TENM3: variants seen among roughly 807,000 people sequenced by gnomAD.
TENM3 encodes the protein teneurin-3.
In TENM3, 63 loss-of-function variants were observed where a neutral mutation model predicts 255.1. The observed-to-expected ratio is 0.25, with a 90% CI of 0.20 to 0.30. The LOEUF (loss-of-function observed/expected upper bound fraction) is 0.30, where lower values mean the gene tolerates loss of function less well. Ranked by LOEUF, TENM3 falls within the 10% of genes least tolerant of loss-of-function variation. The probability of loss-of-function intolerance (pLI) is 1.00; values close to 1 mark genes in which losing one functional copy is unlikely to be tolerated. For synonymous variants in TENM3, 1,306 were observed against 1,322.3 expected (o/e 0.99, Z 0.27); for missense variants, 2,929 against 3,461.1 (o/e 0.85, Z 3.86).
the TENM3 span, among the ~76,000 whole-genome samples, chr4:181,533,947 C>A: frequency 6.6e-6 from 1 of 152,178 alleles, no homozygotes; most frequent in African/African-American, 2.4e-5. Context: ...ACATAACCCA[C>A]ACCTCTGGAA....
At chr4:182,726,112 T>G (rs1561164133) in intron 13 of TENM3, among the ~76,000 whole-genome samples, 3 of 152,140 alleles carry the variant, frequency 2.0e-5, no homozygotes, top group African/African-American at 7.2e-5. Context: ...CATTTTCATG[T>G]GTATGGAAAT....
chr4:182,450,842 A>T (rs1773397717), intron 3 of TENM3, among the ~76,000 whole-genome samples: 1 of 152,228 alleles, frequency 6.6e-6, no homozygotes, highest in Non-Finnish European at 1.5e-5. Context: ...ATGATATCTA[A>T]AATGAGTTGT....
chr4:181,533,648 C>T, the TENM3 span, among the ~76,000 whole-genome samples: 3 of 151,926 alleles, frequency 2.0e-5, no homozygotes, highest in African/African-American at 4.8e-5. Context: ...AGGCACGAGA[C>T]AGATGTAAGC....
intron 1 of TENM3, among the ~76,000 whole-genome samples, chr4:182,165,167 A>G (rs140407339): frequency 4.2e-4 from 64 of 152,326 alleles, no homozygotes; most frequent in African/African-American, 1.4e-3. Flanking sequence ...CTCAGGCATC[A>G]TCTACTCCAG....
At chr4:181,574,340 G>C in the TENM3 span, among the ~76,000 whole-genome samples, 1 of 151,646 alleles carries the variant, frequency 6.6e-6, no homozygotes, top group South Asian at 2.1e-4. Flanking sequence ...GACCATCCTG[G>C]CTAACAAGGT....
chr4:182,312,168 T>C (rs544963994), intron 1 of TENM3, among the ~76,000 whole-genome samples: 1 of 152,296 alleles, frequency 6.6e-6, no homozygotes, highest in South Asian at 2.1e-4. Flanking sequence ...AAATGCAATG[T>C]GTAAAATACC....
intron 3 of TENM3, among the ~76,000 whole-genome samples, chr4:182,463,625 ATTT>A (rs35176681): frequency 4.8e-5 from 7 of 144,500 alleles, no homozygotes; most frequent in Non-Finnish European, 3.0e-5. Context: ...CGCCTGGCTA[ATTT>A]TTTTTTTTTT....
the TENM3 span, among the ~76,000 whole-genome samples, chr4:181,451,397 C>T: frequency 1.3e-5 from 2 of 152,146 alleles, no homozygotes; most frequent in African/African-American, 4.8e-5. Flanking sequence ...TTTGATCTTT[C>T]CTCCAAGTGC....
At chr4:182,258,711 T>A (rs974893971) in intron 1 of TENM3, among the ~76,000 whole-genome samples, 2 of 152,216 alleles carry the variant, frequency 1.3e-5, no homozygotes, top group African/African-American at 4.8e-5. Flanking sequence ...TTTTGAGTTT[T>A]ACAACCATCT....
rs142676495 is a variant in TENM3, at chr4:182,702,747, T to TC, written c.2222-11339dup. Among the ~76,000 whole-genome samples, 741 of 151,870 alleles carry TC rather than the reference T, an allele frequency of 4.9e-3. 6 individuals are homozygous for TC. Among genetic ancestry groups the TC allele is most frequent in the African/African-American group, 0.017 (701 of 41,436 alleles). On this transcript the variant is annotated intron_variant, in intron 12 of 27. Transcript: ENST00000511685. ...AAGCCCACGCTCTTTTTTTTTTTTT[T>TC]CTTTTTTTGAGACGGCGTCTGGCTC... is the stretch of plus-strand genomic sequence containing the variant.
the TENM3 span, among the ~76,000 whole-genome samples, chr4:181,808,308 C>T: frequency 6.6e-6 from 1 of 152,032 alleles, no homozygotes; most frequent in African/African-American, 2.4e-5. Flanking sequence ...TTTATTTATT[C>T]GAGTAGACAC....
the TENM3 span, among the ~76,000 whole-genome samples, chr4:181,584,526 A>G: frequency 6.6e-6 from 1 of 152,154 alleles, no homozygotes. Flanking sequence ...CATAAACTAA[A>G]CACCTTCATT....
intron 1 of TENM3, among the ~76,000 whole-genome samples, chr4:182,227,637 CT>C (rs531262242): frequency 0.034 from 4,300 of 127,156 alleles, 62 homozygotes; most frequent in African/African-American, 0.056. Flanking sequence ...ATGTGCAGGG[CT>C]TTTTTTTTTT....
intron 12 of TENM3, among the ~76,000 whole-genome samples, chr4:182,698,290 A>G (rs1410117665): frequency 6.6e-6 from 1 of 152,216 alleles, no homozygotes; most frequent in Non-Finnish European, 1.5e-5. Flanking sequence ...TACAATCTGT[A>G]TACTATAAAG....
chr4:181,651,968 T>C, the TENM3 span, among the ~76,000 whole-genome samples: 17 of 152,184 alleles, frequency 1.1e-4, no homozygotes, highest in Admixed American at 9.2e-4. Flanking sequence ...ACTATAAAGA[T>C]ATTAGCTTTC....
the TENM3 span, among the ~76,000 whole-genome samples, chr4:181,863,526 T>C: frequency 1.7e-4 from 26 of 152,294 alleles, 1 homozygote; most frequent in South Asian, 5.4e-3. Flanking sequence ...TCATGATACC[T>C]GAATAAGAAG....
At chr4:181,913,485 A>C in the TENM3 span, among the ~76,000 whole-genome samples, 6 of 152,154 alleles carry the variant, frequency 3.9e-5, no homozygotes, top group African/African-American at 9.7e-5. Flanking sequence ...AGTAGTCCCT[A>C]CTGCTGTGTC....
At chr4:181,846,908 A>G in the TENM3 span, among the ~76,000 whole-genome samples, 1 of 152,352 alleles carries the variant, frequency 6.6e-6, no homozygotes, top group African/African-American at 2.4e-5. Flanking sequence ...AATGCATTTA[A>G]ATATAGAACT....
the TENM3 span, among the ~76,000 whole-genome samples, chr4:181,725,722 G>A: frequency 0.048 from 7,331 of 152,070 alleles, 249 homozygotes; most frequent in Middle Eastern, 0.15. Context: ...GATTACAGGC[G>A]TGAACCACCG....
Sources: allele counts gnomAD v4.1 joint callset (sites outside exome capture counted in the v4.1 genomes callset), GRCh38; gene constraint gnomAD v4.1.1; transcripts MANE v1.5; gene names NCBI Gene and HGNC (gene_info 2026-07-23, HGNC 2026-07-21).